TENM3: variants seen among roughly 807,000 people sequenced by gnomAD.
TENM3 encodes the protein teneurin-3.
Under a neutral mutation model 255.1 loss-of-function variants are expected in TENM3, and 63 were observed. The ratio of observed to expected loss-of-function variants is 0.25; its 90% CI spans 0.20 to 0.30. TENM3 has a LOEUF of 0.30. Ranked by LOEUF, TENM3 falls within the 10% of genes least tolerant of loss-of-function variation. The pLI is 1.00. For missense variants in TENM3, 2,929 were observed against 3,461.1 expected (o/e 0.85, Z 3.86); for synonymous variants, 1,306 against 1,322.3 (o/e 0.99, Z 0.27).
the TENM3 span, among the ~76,000 whole-genome samples, chr4:181,812,001 T>A: frequency 6.6e-6 from 1 of 152,348 alleles, no homozygotes; most frequent in South Asian, 2.1e-4. Context: ...TGATGATGGT[T>A]AATTTCTCTT....
At chr4:181,513,791 G>A in the TENM3 span, among the ~76,000 whole-genome samples, 1 of 152,130 alleles carries the variant, frequency 6.6e-6, no homozygotes, top group Non-Finnish European at 1.5e-5. Flanking sequence ...TCTTGTCCCT[G>A]TAATCGTTCC....
intron 3 of TENM3, among the ~76,000 whole-genome samples, chr4:182,536,833 A>G (rs1395508232): frequency 1.3e-5 from 2 of 152,206 alleles, no homozygotes; most frequent in African/African-American, 4.8e-5. Context: ...AGAAAGCTGA[A>G]GTTTAATTCA....
At chr4:181,962,342 G>A in the TENM3 span, among the ~76,000 whole-genome samples, 1 of 152,182 alleles carries the variant, frequency 6.6e-6, no homozygotes, top group Non-Finnish European at 1.5e-5. Context: ...TGTAAGATGG[G>A]TAAGCAGATC....
At chr4:181,935,856 C>A in the TENM3 span, among the ~76,000 whole-genome samples, 1 of 152,286 alleles carries the variant, frequency 6.6e-6, no homozygotes, top group South Asian at 2.1e-4. Flanking sequence ...CTTGAAGCCT[C>A]AGACAAACCT....
the TENM3 span, among the ~76,000 whole-genome samples, chr4:182,015,516 C>T: frequency 1.3e-5 from 2 of 151,864 alleles, no homozygotes; most frequent in Admixed American, 6.6e-5. Flanking sequence ...CCCGTCATTT[C>T]ATTGTTTTAC....
intron 13 of TENM3, among the ~76,000 whole-genome samples, chr4:182,719,074 C>A (rs929271380): frequency 1.3e-5 from 2 of 152,012 alleles, no homozygotes; most frequent in Non-Finnish European, 2.9e-5. Context: ...TGGCCAGCTC[C>A]CCCGTGGGCA....
chr4:181,990,440 C>T, the TENM3 span, among the ~76,000 whole-genome samples: 1 of 152,074 alleles, frequency 6.6e-6, no homozygotes, highest in Non-Finnish European at 1.5e-5. Flanking sequence ...AATCCAGTGT[C>T]CTCAATCAGA....
At chr4:181,448,236 G>C in the TENM3 span, among the ~76,000 whole-genome samples, 2 of 131,544 alleles carry the variant, frequency 1.5e-5, no homozygotes, top group African/African-American at 2.9e-5. Context: ...GCGCGATCTC[G>C]GCTCACTGCA....
At chr4:181,869,710 G>A in the TENM3 span, among the ~76,000 whole-genome samples, 4 of 152,048 alleles carry the variant, frequency 2.6e-5, no homozygotes, top group Non-Finnish European at 5.9e-5. Context: ...TTTATGGAGT[G>A]CACTGAGAAT....
At chr4:181,555,265 T>C in the TENM3 span, among the ~76,000 whole-genome samples, 1 of 152,200 alleles carries the variant, frequency 6.6e-6, no homozygotes, top group Admixed American at 6.5e-5. Flanking sequence ...CGCAGACTGG[T>C]GCAACGCCAC....
At chr4:181,930,089 C>T in the TENM3 span, among the ~76,000 whole-genome samples, 1 of 152,138 alleles carries the variant, frequency 6.6e-6, no homozygotes, top group African/African-American at 2.4e-5. Context: ...CTAAAATCGA[C>T]ACCCTAACAT....
intron 1 of TENM3, among the ~76,000 whole-genome samples, chr4:182,193,198 A>T (rs1469342011): frequency 6.6e-6 from 1 of 152,208 alleles, no homozygotes; most frequent in African/African-American, 2.4e-5. Context: ...TTGATAAACA[A>T]GGTTCTGAAA....
At chr4:181,770,538 G>C in the TENM3 span, among the ~76,000 whole-genome samples, 1 of 152,082 alleles carries the variant, frequency 6.6e-6, no homozygotes, top group African/African-American at 2.4e-5. Flanking sequence ...AGATGGGCGT[G>C]GTGGCGGGTG....
the TENM3 span, among the ~76,000 whole-genome samples, chr4:181,448,154 A>ATTTTTT: frequency 3.2e-4 from 29 of 90,116 alleles, no homozygotes; most frequent in East Asian, 3.0e-3. Flanking sequence ...AAATCCAGTA[A>ATTTTTT]TTTTTTTTTT....
chr4:182,252,593 A>AT (rs1462098859), intron 1 of TENM3, among the ~76,000 whole-genome samples: 3 of 151,972 alleles, frequency 2.0e-5, no homozygotes, highest in East Asian at 3.9e-4. Flanking sequence ...TCCTATTGTT[A>AT]TTTTTTTCCA....
the TENM3 span, among the ~76,000 whole-genome samples, chr4:181,882,497 G>T: frequency 6.6e-6 from 1 of 152,136 alleles, no homozygotes; most frequent in Admixed American, 6.5e-5. Flanking sequence ...GAATTAGAGG[G>T]TGAAGACTGA....
the TENM3 span, among the ~76,000 whole-genome samples, chr4:181,573,873 C>T: frequency 1.3e-5 from 2 of 152,130 alleles, no homozygotes; most frequent in African/African-American, 4.8e-5. Flanking sequence ...GTATATTCTT[C>T]AGAACAAACC....
At chr4:181,473,961 A>G in the TENM3 span, among the ~76,000 whole-genome samples, 51 of 151,374 alleles carry the variant, frequency 3.4e-4, no homozygotes, top group Non-Finnish European at 7.4e-5. Context: ...AAAAATTACC[A>G]TAGAATATTG....
chr4:182,658,429 C>G (rs960023492), intron 6 of TENM3, among the ~76,000 whole-genome samples: 1 of 152,180 alleles, frequency 6.6e-6, no homozygotes, highest in African/African-American at 2.4e-5. Context: ...TGCTTCCTAA[C>G]TCTCAAATCA....
Sources: gnomAD v4.1 joint callset for allele counts (sites outside exome capture counted in the v4.1 genomes callset) on GRCh38, gnomAD v4.1.1 for gene constraint, MANE v1.5 for transcripts, NCBI Gene and HGNC (gene_info 2026-07-23, HGNC 2026-07-21) for gene names.